Variants in MITF observed in about 807,000 individuals in gnomAD.
MITF encodes the protein microphthalmia-associated transcription factor.
Under a neutral mutation model 60.5 loss-of-function variants are expected in MITF, and 17 were observed. That is an observed-to-expected ratio of 0.28 (90% confidence interval 0.19 to 0.42). MITF has a LOEUF of 0.42. MITF is among the 10% of genes least tolerant of loss of function. The pLI is 1.00. For missense variants in MITF, 622 were observed against 683.5 expected, an observed-to-expected ratio of 0.91 and a Z score of 1.00; for synonymous variants, 260 against 248.5, an observed-to-expected ratio of 1.05 and a Z score of -0.43.
chr3:69,876,992 G>A (rs1271695945), intron 1 of MITF, among the ~76,000 whole-genome samples: 4 of 152,086 alleles, frequency 2.6e-5, no homozygotes, highest in South Asian at 2.1e-4. Flanking sequence ...GGCAACTATC[G>A]TGATCTTTGG....
At chr3:69,783,977 C>T (rs2062608047) in intron 1 of MITF, among the ~76,000 whole-genome samples, 1 of 152,198 alleles carries the variant, frequency 6.6e-6, no homozygotes, top group Admixed American at 6.5e-5. Flanking sequence ...TGTTCCCTTC[C>T]TCTTTCCTGT....
chr3:69,771,342 G>T (rs1378301542), intron 1 of MITF, among the ~76,000 whole-genome samples: 1 of 151,430 alleles, frequency 6.6e-6, no homozygotes, highest in Non-Finnish European at 1.5e-5. Flanking sequence ...GAAGCATCTT[G>T]TCAGGCGCTC....
intron 1 of MITF, among the ~76,000 whole-genome samples, chr3:69,853,787 G>T (rs1212389263): frequency 2.0e-5 from 3 of 151,606 alleles, no homozygotes; most frequent in South Asian, 4.2e-4. Context: ...CCATGTAAAG[G>T]CATATCACTC....
chr3:69,929,238 G>T (rs906156172), intron 2 of MITF, among the ~76,000 whole-genome samples: 1 of 152,132 alleles, frequency 6.6e-6, no homozygotes, highest in Admixed American at 6.5e-5. Context: ...CCAAATACTT[G>T]CTGAGTGCCC....
intron 2 of MITF, among the ~76,000 whole-genome samples, chr3:69,907,412 A>G (rs2065124221): frequency 6.6e-6 from 1 of 152,172 alleles, no homozygotes; most frequent in Admixed American, 6.6e-5. Context: ...AGGCATTGTT[A>G]TAGGTGCCAG....
intron 1 of MITF, among the ~76,000 whole-genome samples, chr3:69,757,487 T>A (rs960173602): frequency 2.3e-4 from 35 of 152,148 alleles, no homozygotes; most frequent in African/African-American, 8.2e-4. Flanking sequence ...AGAGAAGCTG[T>A]AAGCACAGGA....
At chr3:69,802,709 T>TA (rs2062941987) in intron 1 of MITF, among the ~76,000 whole-genome samples, 1 of 94,826 alleles carries the variant, frequency 1.1e-5, no homozygotes, top group Non-Finnish European at 2.2e-5. Flanking sequence ...TTTTTTTTTT[T>TA]AGAGGATGTT....
rs561560441 is a variant in MITF at position 69,864,717 on chromosome 3, G to T, written c.105-14417G>T. ...TGGCCTACCAGATCCTTCATGGTCTGGTCCTGGTCACTGTGTAGGTCTCAC... is the reference window on the plus strand; with the variant it reads ...TGGCCTACCAGATCCTTCATGGTCTTGTCCTGGTCACTGTGTAGGTCTCAC... On this transcript the variant is annotated intron_variant, in intron 1 of 9. Coordinates refer to ENST00000352241, the MANE Select transcript of MITF (RefSeq NM_001354604.2). Among the ~76,000 whole-genome samples the T allele has an allele frequency of 2.0e-5, 3 of 152,010 alleles. 1 individual carries two copies. The South Asian group carries it at 6.2e-4, about 32-fold the overall frequency.
At chr3:69,845,500 T>C (rs13066535) in intron 1 of MITF, among the ~76,000 whole-genome samples, 72,933 of 148,110 alleles carry the variant, frequency 0.49, 19,666 homozygotes, top group Non-Finnish European at 0.63. Flanking sequence ...AGACATTCAG[T>C]ACATACATTG....
At position 69,854,069 on chromosome 3, in the gene MITF, C is replaced by T. The variant is rs533329493; in HGVS notation, c.105-25065C>T. 4.6e-5 allele frequency among the ~76,000 whole-genome samples: 7 copies of T among 152,104 alleles called. No homozygotes were observed. The East Asian group carries it at 1.2e-3, about 25-fold the overall frequency. ...TTCACCGTATTGGTCAGGCTGGTCT[C>T]GAACTCCTGACCTCGTGATCCTCCC... On this transcript the variant is annotated intron_variant, in intron 1 of 9. Coordinates refer to ENST00000352241, the MANE Select transcript of MITF (RefSeq NM_001354604.2).
In MITF at chr3:69,884,318, G is replaced by A. The variant is rs542172185; in HGVS notation, c.354+4935G>A. On this transcript the variant is annotated intron_variant, in intron 2 of 9. Coordinates refer to ENST00000352241, the MANE Select transcript of MITF (RefSeq NM_001354604.2). ...ACCATCAGTTGCCTTTTATAGGAGC[G>A]AGGTCTGAAGAAATATGTTAGTCAC... Among the ~76,000 whole-genome samples the A allele has an allele frequency of 7.6e-4, 116 of 152,162 alleles. 4 individuals carry two copies. The South Asian group carries it at 0.023, about 30-fold the overall frequency.
chr3:69,874,351 T>C (rs190398924), intron 1 of MITF, among the ~76,000 whole-genome samples: 100 of 152,310 alleles, frequency 6.6e-4, no homozygotes, highest in Admixed American at 1.5e-3. Flanking sequence ...AACTTGCACA[T>C]AGGCATATAA....
intron 1 of MITF, among the ~76,000 whole-genome samples, chr3:69,876,288 A>G (rs920455007): frequency 1.3e-5 from 2 of 152,206 alleles, no homozygotes; most frequent in African/African-American, 4.8e-5. Context: ...CATTTGCTAC[A>G]GCACAAAGGT....
intron 1 of MITF, among the ~76,000 whole-genome samples, chr3:69,826,811 A>G (rs1445691628): frequency 2.0e-5 from 3 of 152,262 alleles, no homozygotes; most frequent in Non-Finnish European, 4.4e-5. Flanking sequence ...ACATTATAGC[A>G]AAGTATCAGC....
At chr3:69,856,637 A>G (rs986764878) in intron 1 of MITF, among the ~76,000 whole-genome samples, 2 of 152,156 alleles carry the variant, frequency 1.3e-5, no homozygotes, top group African/African-American at 4.8e-5. Context: ...ATGTTTCTCA[A>G]AGGAAGCCTA....
intron 2 of MITF, among the ~76,000 whole-genome samples, chr3:69,923,678 T>C (rs2065520003): frequency 6.6e-6 from 1 of 152,188 alleles, no homozygotes; most frequent in Non-Finnish European, 1.5e-5. Flanking sequence ...TCTTCCCATT[T>C]TCCTACCTCC....
intron 1 of MITF, among the ~76,000 whole-genome samples, chr3:69,782,939 A>G (rs545920283): frequency 7.2e-5 from 11 of 152,234 alleles, no homozygotes; most frequent in Non-Finnish European, 1.3e-4. Context: ...CTTAACAGAG[A>G]TGAGAATAGA....
intron 1 of MITF, among the ~76,000 whole-genome samples, chr3:69,858,593 T>C (rs1479558320): frequency 6.6e-6 from 1 of 152,044 alleles, no homozygotes; most frequent in Non-Finnish European, 1.5e-5. Flanking sequence ...GAGCAGAAGG[T>C]TTCCTGGACT....
intron 1 of MITF, among the ~76,000 whole-genome samples, chr3:69,831,898 G>A (rs2063453654): frequency 6.6e-6 from 1 of 152,152 alleles, no homozygotes; most frequent in African/African-American, 2.4e-5. Context: ...TGGTGGAACG[G>A]TGCCCGAGGG....
Sources: allele counts gnomAD v4.1 joint callset (sites outside exome capture counted in the v4.1 genomes callset), GRCh38; gene constraint gnomAD v4.1.1; transcripts MANE v1.5; gene names NCBI Gene and HGNC (gene_info 2026-07-23, HGNC 2026-07-21).